Variants in PPP3R1 observed in about 807,000 individuals in gnomAD.
PPP3R1 encodes the protein protein phosphatase 3 regulatory subunit B, alpha, also known as calcineurin subunit B type 1.
A neutral mutation model predicts 22.6 loss-of-function variants in PPP3R1; 5 were observed. The ratio of observed to expected loss-of-function variants is 0.22; its 90% confidence interval spans 0.12 to 0.46. The LOEUF is 0.46. Ranked by LOEUF, PPP3R1 falls within the 20% of genes least tolerant of loss-of-function variation. The probability of loss-of-function intolerance (pLI) is 0.99; values close to 1 mark genes in which losing one functional copy is unlikely to be tolerated. For missense variants in PPP3R1, 61 were observed against 203.2 expected (o/e 0.30, Z 4.25); for synonymous variants, 56 against 65.2 (o/e 0.86, Z 0.68).
At chr2:68,237,333 C>G (rs1207906650) in intron 1 of PPP3R1, among the ~76,000 whole-genome samples, 2 of 152,114 alleles carry the variant, frequency 1.3e-5, no homozygotes, top group Admixed American at 1.3e-4. Flanking sequence ...CTCAGAAGAA[C>G]TGTGAATCAG....
chr2:68,190,219 G>A (rs1319804649), intron 2 of PPP3R1, among the ~76,000 whole-genome samples: 1 of 141,240 alleles, frequency 7.1e-6, no homozygotes, highest in East Asian at 2.1e-4. Context: ...GGTTCACAGG[G>A]ATTTTTCACA....
At chr2:68,188,482 CTT>C in intron 3 of PPP3R1, 30 bp downstream of exon 3, 2 of 1,473,028 alleles carry the variant, frequency 1.4e-6, no homozygotes, top group African/African-American at 2.9e-5. Flanking sequence ...GGTTAGATAA[CTT>C]GTGGTTATAA....
chr2:68,221,456 C>T (rs1017672262), intron 1 of PPP3R1, among the ~76,000 whole-genome samples: 2 of 151,210 alleles, frequency 1.3e-5, no homozygotes, highest in Non-Finnish European at 3.0e-5. Flanking sequence ...CTTGAGCACA[C>T]CACTGCACTC....
intron 2 of PPP3R1, among the ~76,000 whole-genome samples, chr2:68,209,358 C>CAAAAAAAAAAAAAAAAAA (rs777851469): frequency 2.4e-5 from 1 of 41,680 alleles, no homozygotes; most frequent in Non-Finnish European, 4.3e-5. Flanking sequence ...GACTCTGTCT[C>CAAAAAAAAAAAAAAAAAA]AAAAAAAAAA....
chr2:68,189,597 A>G (rs144405862), intron 2 of PPP3R1, among the ~76,000 whole-genome samples: 10 of 152,308 alleles, frequency 6.6e-5, no homozygotes, highest in African/African-American at 2.4e-4. Flanking sequence ...GCCAGGCGCA[A>G]TGGCTCACGC....
At chr2:68,191,940 A>G (rs1674676382) in intron 2 of PPP3R1, among the ~76,000 whole-genome samples, 1 of 152,174 alleles carries the variant, frequency 6.6e-6, no homozygotes, top group Admixed American at 6.5e-5. Context: ...CTTTTCGCTT[A>G]TTTATTTATA....
At chr2:68,228,867 A>AT (rs1669833469) in intron 1 of PPP3R1, among the ~76,000 whole-genome samples, 1 of 151,966 alleles carries the variant, frequency 6.6e-6, no homozygotes, top group African/African-American at 2.4e-5. Flanking sequence ...AGCTCAATGT[A>AT]TTTTTTAAAA....
intron 2 of PPP3R1, among the ~76,000 whole-genome samples, chr2:68,190,363 C>G (rs936170456): frequency 1.3e-5 from 2 of 150,276 alleles, no homozygotes; most frequent in African/African-American, 4.9e-5. Flanking sequence ...TCAGGAGTTT[C>G]AGACCAGCCT....
intron 2 of PPP3R1, among the ~76,000 whole-genome samples, chr2:68,209,044 A>AT (rs11445796): frequency 0.25 from 38,017 of 150,172 alleles, 5,076 homozygotes; most frequent in African/African-American, 0.32. Context: ...AGGTATCACC[A>AT]TTTTTTTTTA....
At chr2:68,221,024 ACT>A (rs888447076) in intron 1 of PPP3R1, among the ~76,000 whole-genome samples, 32 of 149,620 alleles carry the variant, frequency 2.1e-4, no homozygotes, top group African/African-American at 7.9e-4. Flanking sequence ...ATGGCAAAAC[ACT>A]GTCTCTACAA....
intron 1 of PPP3R1, among the ~76,000 whole-genome samples, chr2:68,224,703 G>A (rs1229515186): frequency 1.3e-5 from 2 of 150,468 alleles, no homozygotes; most frequent in Non-Finnish European, 3.0e-5. Context: ...GTCATCAAAA[G>A]AGTGGTACTG....
chr2:68,186,735 G>A lies in PPP3R1; in HGVS notation c.281-83C>T, dbSNP rs1001326483. 5.8e-6 allele frequency: 7 copies of A among 1,207,278 alleles called. 1 individual carries two copies. The highest frequency in any genetic ancestry group is 1.2e-6 in the Non-Finnish European group (1 of 852,958). 74.8% of individuals were successfully genotyped at this position (1,207,278 alleles called of 1,614,324 possible). On this transcript the variant is annotated intron_variant, in intron 4 of 5. Coordinates refer to ENST00000234310, the MANE Select transcript of PPP3R1 (RefSeq NM_000945.4). Reference sequence around the variant, plus strand: ...TCAGTAAGAAAGAAAATAGTAAACTGACAAACATCAAAATTATGACTATGA... The same window carrying A: ...TCAGTAAGAAAGAAAATAGTAAACTAACAAACATCAAAATTATGACTATGA...
At chr2:68,215,441 C>T (rs1293006720) in intron 2 of PPP3R1, among the ~76,000 whole-genome samples, 3 of 152,102 alleles carry the variant, frequency 2.0e-5, no homozygotes, top group Non-Finnish European at 4.4e-5. Context: ...AAGCTTCGGG[C>T]TCCAGAGCAT....
chr2:68,227,109 TAA>T (rs1669797848), intron 1 of PPP3R1, among the ~76,000 whole-genome samples: 1 of 152,108 alleles, frequency 6.6e-6, no homozygotes, highest in Non-Finnish European at 1.5e-5. Context: ...AATGCATCTA[TAA>T]AGTTTATTTT....
At chr2:68,200,032 C>T (rs1007480247) in intron 2 of PPP3R1, among the ~76,000 whole-genome samples, 1 of 152,052 alleles carries the variant, frequency 6.6e-6, no homozygotes, top group Non-Finnish European at 1.5e-5. Flanking sequence ...GCCGTTTGAC[C>T]TTACTATTTT....
At chr2:68,226,271 T>G (rs553162742) in intron 1 of PPP3R1, among the ~76,000 whole-genome samples, 1 of 152,320 alleles carries the variant, frequency 6.6e-6, no homozygotes, top group East Asian at 1.9e-4. Context: ...TATACATTTA[T>G]CAAGGCACAT....
At chr2:68,196,181 G>A (rs1246241188) in intron 2 of PPP3R1, among the ~76,000 whole-genome samples, 1 of 152,114 alleles carries the variant, frequency 6.6e-6, no homozygotes, top group Non-Finnish European at 1.5e-5. Flanking sequence ...AAACCTCATA[G>A]TGTTATCAAC....
At chr2:68,252,039 C>CG in intron 1 of PPP3R1, 86 bp downstream of exon 1, 2 of 1,280,322 alleles carry the variant, frequency 1.6e-6, no homozygotes, top group Non-Finnish European at 1.0e-6. Flanking sequence ...GACAGCCGAC[C>CG]GGGGGCGTCG....
chr2:68,245,019 G>C (rs1362917814), intron 1 of PPP3R1, among the ~76,000 whole-genome samples: 3 of 152,182 alleles, frequency 2.0e-5, no homozygotes, highest in Non-Finnish European at 4.4e-5. Context: ...CATTCCATCA[G>C]TATTTTCTTA....
Sources: allele counts gnomAD v4.1 joint callset (sites outside exome capture counted in the v4.1 genomes callset), GRCh38; gene constraint gnomAD v4.1.1; transcripts MANE v1.5; gene names NCBI Gene and HGNC (gene_info 2026-07-23, HGNC 2026-07-21).